Variants in KCNH1 observed in about 807,000 individuals in gnomAD.
The protein encoded by KCNH1 is voltage-gated delayed rectifier potassium channel KCNH1.
In KCNH1, 27 loss-of-function variants were observed where a neutral mutation model predicts 69.2. That is an observed-to-expected ratio of 0.39 (90% CI 0.29 to 0.54). The LOEUF (loss-of-function observed/expected upper bound fraction) is 0.54. Ranked by LOEUF, KCNH1 falls within the 20% of genes least tolerant of loss-of-function variation. KCNH1 has a pLI of 0.68. For synonymous variants in KCNH1, 456 were observed against 487.7 expected (o/e 0.93, Z 0.86); for missense variants, 798 against 1,261.6 (o/e 0.63, Z 5.57).
intron 10 of KCNH1, among the ~76,000 whole-genome samples, chr1:210,764,936 A>G (rs1248378024): frequency 1.3e-5 from 2 of 152,226 alleles, no homozygotes; most frequent in East Asian, 1.9e-4. Flanking sequence ...ACTATTCACA[A>G]TAGCAAAGAC....
intron 6 of KCNH1, among the ~76,000 whole-genome samples, chr1:210,970,174 T>G (rs892233016): frequency 2.0e-5 from 3 of 152,158 alleles, no homozygotes; most frequent in African/African-American, 7.2e-5. Context: ...GGTATACCTG[T>G]GCCATGGTGG....
chr1:210,996,198 G>T (rs940971527), intron 6 of KCNH1, among the ~76,000 whole-genome samples: 2 of 152,134 alleles, frequency 1.3e-5, no homozygotes, highest in Admixed American at 1.3e-4. Context: ...CGCCTCACTC[G>T]GGAAGCACAA....
chr1:210,731,403 C>G (rs1034405490), intron 10 of KCNH1, among the ~76,000 whole-genome samples: 4 of 152,206 alleles, frequency 2.6e-5, no homozygotes, highest in African/African-American at 9.6e-5. Flanking sequence ...GCACCCTTAA[C>G]CACTACTATA....
chr1:210,942,371 C>T (rs1687891240), intron 6 of KCNH1, among the ~76,000 whole-genome samples: 1 of 152,104 alleles, frequency 6.6e-6, no homozygotes, highest in Non-Finnish European at 1.5e-5. Context: ...CCCAACCTCT[C>T]CGAGCTTCAC....
chr1:210,789,578 AAAT>A (rs1231142313), intron 9 of KCNH1, among the ~76,000 whole-genome samples: 4 of 152,254 alleles, frequency 2.6e-5, no homozygotes, highest in African/African-American at 9.6e-5. Flanking sequence ...GTGAAATTTG[AAAT>A]AATGTTGACT....
chr1:210,799,246 G>A (rs74156082), intron 8 of KCNH1, among the ~76,000 whole-genome samples: 4,909 of 152,228 alleles, frequency 0.032, 262 homozygotes, highest in African/African-American at 0.11. Context: ...TTTTACAGAT[G>A]AGAAAACTGA....
At chr1:211,002,946 GC>G (rs2102402182) in intron 6 of KCNH1, among the ~76,000 whole-genome samples, 1 of 152,276 alleles carries the variant, frequency 6.6e-6, no homozygotes, top group Non-Finnish European at 1.5e-5. Flanking sequence ...ACTGATCCCG[GC>G]AAAAAATGAG....
At chr1:210,948,765 A>T (rs1688008653) in intron 6 of KCNH1, among the ~76,000 whole-genome samples, 1 of 151,558 alleles carries the variant, frequency 6.6e-6, no homozygotes, top group Non-Finnish European at 1.5e-5. Flanking sequence ...CCCAGGAGGC[A>T]TGCAGTGAGC....
At chr1:210,978,676 C>T (rs1688658620) in intron 6 of KCNH1, among the ~76,000 whole-genome samples, 1 of 152,138 alleles carries the variant, frequency 6.6e-6, no homozygotes, top group Non-Finnish European at 1.5e-5. Flanking sequence ...CTGTTGAGTT[C>T]CTGTTAACTA....
At chr1:211,113,605 C>A (rs1691511063) in intron 1 of KCNH1, among the ~76,000 whole-genome samples, 2 of 152,138 alleles carry the variant, frequency 1.3e-5, no homozygotes, top group Admixed American at 1.3e-4. Flanking sequence ...CCTGGCTCCC[C>A]ATTTGACACT....
intron 6 of KCNH1, among the ~76,000 whole-genome samples, chr1:210,979,244 C>T (rs1298762085): frequency 6.6e-6 from 1 of 152,128 alleles, no homozygotes; most frequent in Admixed American, 6.5e-5. Context: ...AGAGGAATCT[C>T]AAGAAAAAAC....
At chr1:210,686,275 CTG>C (rs1681405670) in intron 10 of KCNH1, among the ~76,000 whole-genome samples, 1 of 152,204 alleles carries the variant, frequency 6.6e-6, no homozygotes, top group Non-Finnish European at 1.5e-5. Context: ...TCTGTACACA[CTG>C]TGCTCTGTTC....
At chr1:210,879,222 C>G (rs553591923) in intron 7 of KCNH1, among the ~76,000 whole-genome samples, 23 of 152,098 alleles carry the variant, frequency 1.5e-4, no homozygotes, top group African/African-American at 5.1e-4. Context: ...TATCTATGAT[C>G]GCTTTCAAAA....
intron 9 of KCNH1, among the ~76,000 whole-genome samples, chr1:210,787,542 T>A (rs1684127896): frequency 6.6e-6 from 1 of 152,196 alleles, no homozygotes; most frequent in Non-Finnish European, 1.5e-5. Context: ...AATGAAAGCA[T>A]GCGTTTGAAC....
chr1:210,827,865 G>A (rs540002605), intron 7 of KCNH1, among the ~76,000 whole-genome samples: 7 of 152,118 alleles, frequency 4.6e-5, no homozygotes, highest in Admixed American at 6.6e-5. Context: ...GTTTTTTGGA[G>A]ACAAAGTCAC....
chr1:211,029,574 C>T (rs1407865802), intron 5 of KCNH1, among the ~76,000 whole-genome samples: 7 of 151,762 alleles, frequency 4.6e-5, no homozygotes, highest in African/African-American at 9.7e-5. Flanking sequence ...AGAGCATCTA[C>T]CAAAAAACCT....
At chr1:210,763,742 C>T (rs558191009) in intron 10 of KCNH1, among the ~76,000 whole-genome samples, 6 of 152,148 alleles carry the variant, frequency 3.9e-5, no homozygotes, top group Non-Finnish European at 7.4e-5. Context: ...GAAAAGCATT[C>T]CATACTTATG....
chr1:210,684,400 T>G (rs781752819), intron 10 of KCNH1, among the ~76,000 whole-genome samples: 7 of 152,162 alleles, frequency 4.6e-5, no homozygotes, highest in Non-Finnish European at 7.3e-5. Flanking sequence ...CACATCCCAT[T>G]TTTTCCCCTC....
chr1:210,875,535 G>C (rs1574311270), intron 7 of KCNH1, among the ~76,000 whole-genome samples: 1 of 152,232 alleles, frequency 6.6e-6, no homozygotes, highest in Non-Finnish European at 1.5e-5. Context: ...GGGCGCAGTG[G>C]CTCATGCCTG....
Sources: gnomAD v4.1 joint callset for allele counts (sites outside exome capture counted in the v4.1 genomes callset) on GRCh38, gnomAD v4.1.1 for gene constraint, MANE v1.5 for transcripts, NCBI Gene and HGNC (gene_info 2026-07-23, HGNC 2026-07-21) for gene names.